Variants in RPS6KA5 observed in about 807,000 individuals in gnomAD.
RPS6KA5 encodes the protein ribosomal protein S6 kinase alpha-5.
In RPS6KA5, 27 loss-of-function variants were observed where a neutral mutation model predicts 85.5. That is an observed-to-expected ratio of 0.32 (90% CI 0.23 to 0.44). The LOEUF is 0.44. RPS6KA5 is among the 20% of genes least tolerant of loss of function. The probability of loss-of-function intolerance (pLI) is 1.00; values close to 1 mark genes in which losing one functional copy is unlikely to be tolerated. For missense variants in RPS6KA5, 811 were observed against 980.9 expected (o/e 0.83, Z 2.31); for synonymous variants, 334 against 348.2 (o/e 0.96, Z 0.46).
At chr14:90,989,210 G>A (rs2040198667) in intron 2 of RPS6KA5, among the ~76,000 whole-genome samples, 2 of 151,984 alleles carry the variant, frequency 1.3e-5, no homozygotes, top group South Asian at 2.1e-4. Context: ...TGTGAGATAG[G>A]TATTATTATA....
chr14:90,978,501 G>T lies in RPS6KA5; in HGVS notation c.199C>A (p.Arg67Ser), dbSNP rs151225102. The change falls in exon 3 of 17, where the codon CGT becomes AGT. Residue 67 changes from arginine to serine, a missense_variant. Transcript: ENST00000614987. ...CCAGTATCATGGCCACTTATTTTAC[G>T]AACTAGAAATACTTTTCCATAAGCT... ...TGAYGKVFLV[R>S]KISGHDTGKL... 4.4e-6 allele frequency: 7 copies of T among 1,586,016 alleles called. No homozygotes were observed. The African/African-American group carries it at 5.4e-5, about 12-fold the overall frequency.
intron 1 of RPS6KA5, among the ~76,000 whole-genome samples, chr14:91,014,969 T>G (rs1314013739): frequency 6.6e-6 from 1 of 152,196 alleles, no homozygotes; most frequent in Non-Finnish European, 1.5e-5. Flanking sequence ...TGTAGTCAAA[T>G]TATTTGAAAA....
At chr14:90,987,340 CA>C (rs932763398) in intron 2 of RPS6KA5, among the ~76,000 whole-genome samples, 1 of 151,606 alleles carries the variant, frequency 6.6e-6, no homozygotes, top group African/African-American at 2.4e-5. Context: ...ATGACTCAAC[CA>C]AAGTATTTTT....
At position 91,029,601 on chromosome 14, in the gene RPS6KA5, C is replaced by CCT. The variant is rs1156239000; in HGVS notation, c.104-28444_104-28443dup. Among the ~76,000 whole-genome samples, 3 of 152,286 alleles carry CCT rather than the reference C, an allele frequency of 2.0e-5. No individual in the cohort carries two copies. In the East Asian group the frequency reaches 5.8e-4, roughly 29 times the overall value. On this transcript the variant is annotated intron_variant, in intron 1 of 16. Coordinates refer to ENST00000614987, the MANE Select transcript of RPS6KA5 (RefSeq NM_004755.4). ...ATACATTCTCAAGCAAGTTACTTAACCTCTGTGCCTCTCTGTACCCTCATC... is the reference window on the plus strand; with the variant it reads ...ATACATTCTCAAGCAAGTTACTTAACCTCTCTGTGCCTCTCTGTACCCTCATC...
chr14:90,947,004 C>T (rs1297507388), intron 4 of RPS6KA5, among the ~76,000 whole-genome samples: 1 of 152,038 alleles, frequency 6.6e-6, no homozygotes, highest in African/African-American at 2.4e-5. Flanking sequence ...AGCCAGAGTG[C>T]GAGTGGGAAA....
At chr14:91,004,670 A>T (rs1207110504) in intron 1 of RPS6KA5, among the ~76,000 whole-genome samples, 1 of 152,094 alleles carries the variant, frequency 6.6e-6, no homozygotes, top group Non-Finnish European at 1.5e-5. Flanking sequence ...CACAAGCATG[A>T]TATAAAACAG....
At chr14:90,900,501 T>TA in intron 10 of RPS6KA5, 110 bp downstream of exon 10, 3 of 1,153,406 alleles carry the variant, frequency 2.6e-6, no homozygotes, top group Non-Finnish European at 3.5e-6. Flanking sequence ...ATCCCACTTT[T>TA]AAAATTGCAC....
intron 1 of RPS6KA5, among the ~76,000 whole-genome samples, chr14:91,011,978 T>C (rs918321257): frequency 1.3e-5 from 2 of 152,234 alleles, no homozygotes; most frequent in South Asian, 2.1e-4. Context: ...GTATCGTTTG[T>C]TGCAGCTAAA....
intron 3 of RPS6KA5, among the ~76,000 whole-genome samples, chr14:90,953,016 C>T (rs1354579275): frequency 6.6e-6 from 1 of 152,042 alleles, no homozygotes; most frequent in Non-Finnish European, 1.5e-5. Flanking sequence ...GTGTGCTGGA[C>T]CAGTCAAAGA....
chr14:90,884,524 G>A (rs1277783917), intron 14 of RPS6KA5, among the ~76,000 whole-genome samples: 5 of 152,192 alleles, frequency 3.3e-5, no homozygotes, highest in Admixed American at 3.3e-4. Flanking sequence ...ACTGTGCTAA[G>A]AGCTAAAATT....
chr14:90,938,099 G>T (rs1463480077), intron 5 of RPS6KA5, among the ~76,000 whole-genome samples: 1 of 152,148 alleles, frequency 6.6e-6, no homozygotes, highest in African/African-American at 2.4e-5. Context: ...AGGAGTACAG[G>T]CATTGGTTAA....
At chr14:90,884,768 G>C (rs892923337) in intron 14 of RPS6KA5, among the ~76,000 whole-genome samples, 18 of 152,108 alleles carry the variant, frequency 1.2e-4, no homozygotes, top group Non-Finnish European at 7.4e-5. Context: ...TTTGAATCAT[G>C]CTGTTATATA....
intron 4 of RPS6KA5, 117 bp downstream of exon 4, chr14:90,947,318 T>TA (rs1341010143): frequency 1.7e-6 from 1 of 595,800 alleles, no homozygotes; most frequent in African/African-American, 1.9e-5. Flanking sequence ...GTTCTATAAG[T>TA]ATGCTTTCAT....
chr14:90,944,946 T>C (rs1370872969), intron 4 of RPS6KA5, among the ~76,000 whole-genome samples: 3 of 148,878 alleles, frequency 2.0e-5, no homozygotes. Flanking sequence ...TTTTTTTTTT[T>C]TTAAAAGAAC....
At chr14:91,007,404 G>C (rs1445388802) in intron 1 of RPS6KA5, among the ~76,000 whole-genome samples, 1 of 152,144 alleles carries the variant, frequency 6.6e-6, no homozygotes, top group Non-Finnish European at 1.5e-5. Context: ...TTAAATATTA[G>C]TAAATTTGGA....
At chr14:90,924,232 GT>G (rs2036548124) in intron 5 of RPS6KA5, among the ~76,000 whole-genome samples, 1 of 152,106 alleles carries the variant, frequency 6.6e-6, no homozygotes, top group Non-Finnish European at 1.5e-5. Context: ...ATCTTACCCA[GT>G]TCTAAACCTA....
chr14:90,935,017 G>A lies in RPS6KA5; in HGVS notation c.618+8061C>T, dbSNP rs182252126. Among the ~76,000 whole-genome samples the A allele has an allele frequency of 2.0e-3, 309 of 152,262 alleles. 3 individuals carry two copies. Among genetic ancestry groups the A allele is most frequent in the Non-Finnish European group, 3.2e-3 (218 of 68,020 alleles). On this transcript the variant is annotated intron_variant, in intron 5 of 16. Transcript: ENST00000614987. The stretch of plus-strand genomic sequence containing the variant: ...GAGTCACTGATTTTGGCAAATGACT[G>A]ATAGAGCTTATTATCAGAGACCTAA...
chr14:90,947,530 G>A lies in RPS6KA5; in HGVS notation c.415C>T (p.Leu139Phe). ...TCTCTTTGAGAAAGATGAGTAAAAA[G>A]TTCACCACCATTTATATAATCTAAA... The part of the protein sequence containing the change: ...LILDYINGGE[L>F]FTHLSQRERF... Residue 139 changes from leucine (L) to phenylalanine (F), a missense_variant, in exon 4 of 17, where the codon CTT (leucine) becomes TTT (phenylalanine). By Grantham distance (22) the Leu-to-Phe change is conservative (BLOSUM62 0). Coordinates refer to ENST00000614987, the MANE Select transcript of RPS6KA5 (RefSeq NM_004755.4). The A allele has an allele frequency of 6.3e-7, 1 of 1,595,954 alleles. No individual in the cohort carries two copies. The highest frequency in any genetic ancestry group is 2.2e-5 in the East Asian group (1 of 44,730).
At chr14:91,039,251 G>A (rs1165420314) in intron 1 of RPS6KA5, among the ~76,000 whole-genome samples, 1 of 152,138 alleles carries the variant, frequency 6.6e-6, no homozygotes, top group African/African-American at 2.4e-5. Context: ...AGTCTCACCA[G>A]TAAGTCATCC....
Sources: gnomAD v4.1 joint callset for allele counts (sites outside exome capture counted in the v4.1 genomes callset) on GRCh38, gnomAD v4.1.1 for gene constraint, MANE v1.5 for transcripts, NCBI Gene and HGNC (gene_info 2026-07-23, HGNC 2026-07-21) for gene names.